CASK: variants seen among roughly 807,000 people sequenced by gnomAD.
CASK encodes the protein peripheral plasma membrane protein CASK.
A neutral mutation model predicts 82.9 loss-of-function variants in CASK; 4 were observed. The ratio of observed to expected loss-of-function variants is 0.05; its 90% CI spans 0.02 to 0.11. The LOEUF is 0.11. Ranked by LOEUF, CASK falls within the 10% of genes least tolerant of loss-of-function variation. The probability of loss-of-function intolerance (pLI) is 1.00; values close to 1 mark genes in which losing one functional copy is unlikely to be tolerated. For missense variants in CASK, 358 were observed against 720.9 expected, an observed-to-expected ratio of 0.50 and a Z score of 5.76; for synonymous variants, 259 against 253.5, an observed-to-expected ratio of 1.02 and a Z score of -0.20.
intron 3 of CASK, among the ~76,000 whole-genome samples, chrX:41,758,330 G>A (rs901698810): frequency 1.8e-5 from 2 of 108,430 alleles, no homozygotes; most frequent in Middle Eastern, 4.3e-3. Flanking sequence ...AGCTATTCGG[G>A]AGGCTGAGGC....
At chrX:41,687,560 T>A (rs967586904) in intron 5 of CASK, among the ~76,000 whole-genome samples, 7 of 110,979 alleles carry the variant, frequency 6.3e-5, no homozygotes, top group Non-Finnish European at 1.3e-4. Flanking sequence ...AGGAGAGAAA[T>A]CGTTTAGTGG....
intron 2 of CASK, among the ~76,000 whole-genome samples, chrX:41,839,090 C>T (rs925228296): frequency 2.7e-5 from 3 of 111,358 alleles, no homozygotes; most frequent in East Asian, 5.6e-4. Context: ...ATGATTCCTC[C>T]CACTTTATCA....
chrX:41,673,655 T>A (rs2067224617), intron 5 of CASK, among the ~76,000 whole-genome samples: 1 of 109,613 alleles, frequency 9.1e-6, no homozygotes, highest in Non-Finnish European at 1.9e-5. Flanking sequence ...AAGTTCCAGA[T>A]GAGAAGAACA....
intron 8 of CASK, among the ~76,000 whole-genome samples, chrX:41,657,845 G>A (rs993747161): frequency 4.5e-5 from 5 of 111,386 alleles, no homozygotes; most frequent in African/African-American, 9.8e-5. Context: ...CCTTAGAAAC[G>A]CCAAAGATGT....
At chrX:41,608,640 T>C (rs2065993514) in intron 12 of CASK, among the ~76,000 whole-genome samples, 2 of 112,482 alleles carry the variant, frequency 1.8e-5, no homozygotes, top group African/African-American at 3.2e-5. Context: ...AAGAAAGGTA[T>C]TTTACTTAAA....
At position 41,589,466 on chromosome X, in the gene CASK, G is replaced by C. The variant is rs377234417; in HGVS notation, c.1233+49C>G. 589 of 877,781 alleles carry C rather than the reference G, an allele frequency of 6.7e-4. 2 individuals are homozygous for C. The highest frequency in any genetic ancestry group is 9.3e-4 in the Non-Finnish European group (557 of 596,031). 72.3% of individuals were successfully genotyped at this position (877,781 alleles called of 1,213,427 possible). On this transcript the variant is annotated intron_variant, in intron 13 of 26. Transcript: ENST00000378163. Reference sequence around the variant, plus strand: ...GTGCAACAGAAATGTCTTCAATAAAGGTGGCAAATATGATGATGCCAAATA... The same window carrying C: ...GTGCAACAGAAATGTCTTCAATAAACGTGGCAAATATGATGATGCCAAATA...
intron 2 of CASK, among the ~76,000 whole-genome samples, chrX:41,840,123 T>G (rs776316979): frequency 8.9e-6 from 1 of 112,068 alleles, no homozygotes; most frequent in Non-Finnish European, 1.9e-5. Flanking sequence ...ACAAAGTAAC[T>G]TCCTGAAATT....
chrX:41,728,611 G>A (rs1329939575), intron 5 of CASK: 1 of 121,458 alleles, frequency 8.2e-6, no homozygotes, highest in Non-Finnish European at 1.9e-5. Flanking sequence ...GGACATGGTG[G>A]TGGGCGCCTG....
intron 5 of CASK, chrX:41,695,418 C>A (rs1354638981): frequency 3.1e-6 from 1 of 326,337 alleles, no homozygotes; most frequent in Non-Finnish European, 5.4e-6. Context: ...TGGGTTCAAG[C>A]AATCCTTCTG....
chrX:41,787,323 C>A, intron 2 of CASK, 40 bp from the exon 3 acceptor site: 1 of 791,444 alleles, frequency 1.3e-6, no homozygotes, highest in South Asian at 2.1e-5. Flanking sequence ...TAGGTAGGAA[C>A]AAAAGACAAT....
chrX:41,643,559 A>G (rs2066699611), intron 8 of CASK, among the ~76,000 whole-genome samples: 1 of 111,320 alleles, frequency 9.0e-6, no homozygotes, highest in Admixed American at 9.6e-5. Flanking sequence ...TTCACTCATG[A>G]TTTGGCTCTC....
At chrX:41,591,917 T>A (rs1032176897) in intron 12 of CASK, among the ~76,000 whole-genome samples, 11 of 110,939 alleles carry the variant, frequency 9.9e-5, no homozygotes, top group Non-Finnish European at 2.1e-4. Flanking sequence ...TCAAGCAAAG[T>A]TTAAATAATC....
chrX:41,664,080 T>C (rs2067077523), intron 7 of CASK, among the ~76,000 whole-genome samples: 1 of 111,660 alleles, frequency 9.0e-6, no homozygotes, highest in African/African-American at 3.3e-5. Flanking sequence ...AGGAGCAGAA[T>C]ATGCTACACT....
At chrX:41,762,039 C>G (rs932091086) in intron 3 of CASK, among the ~76,000 whole-genome samples, 1 of 111,923 alleles carries the variant, frequency 8.9e-6, no homozygotes, top group Non-Finnish European at 1.9e-5. Context: ...CAAGTAGTAA[C>G]TTATTTAATC....
chrX:41,754,934 A>G (rs2068864284), intron 3 of CASK, among the ~76,000 whole-genome samples: 1 of 99,689 alleles, frequency 1.0e-5, no homozygotes, highest in East Asian at 3.1e-4. Flanking sequence ...GCAGGAGTGC[A>G]GTGGTGCCAT....
intron 2 of CASK, among the ~76,000 whole-genome samples, chrX:41,830,836 A>C (rs777199022): frequency 9.2e-6 from 1 of 108,683 alleles, no homozygotes; most frequent in Non-Finnish European, 1.9e-5. Context: ...AAAAAAAAAA[A>C]CAAAAGAAGT....
rs139320814 is a variant in CASK, at chrX:41,564,663, T to C, written c.1583-3019A>G. On this transcript the variant is annotated intron_variant, in intron 16 of 26. Coordinates refer to ENST00000378163, the MANE Select transcript of CASK (RefSeq NM_001367721.1). ...TAATGATGTTTCCTGCTGTCAATAT[T>C]AGACAGATCAATGAGACAGAAGGTT... Among the ~76,000 whole-genome samples, 50 of 112,059 alleles carry C rather than the reference T, an allele frequency of 4.5e-4. No homozygotes were observed. The South Asian group carries it at 0.017, about 38-fold the overall frequency.
intron 5 of CASK, among the ~76,000 whole-genome samples, chrX:41,724,676 A>G (rs1463095591): frequency 8.9e-6 from 1 of 111,879 alleles, no homozygotes; most frequent in Non-Finnish European, 1.9e-5. Context: ...TACATAGTAG[A>G]TACAAGTTTG....
chrX:41,641,471 A>T (rs1016361733), intron 8 of CASK, among the ~76,000 whole-genome samples: 22 of 111,805 alleles, frequency 2.0e-4, no homozygotes, highest in African/African-American at 5.5e-4. Context: ...GTGTGAGAAG[A>T]GCTCAACCAT....
Sources: allele counts gnomAD v4.1 joint callset (sites outside exome capture counted in the v4.1 genomes callset), GRCh38; gene constraint gnomAD v4.1.1; transcripts MANE v1.5; gene names NCBI Gene and HGNC (gene_info 2026-07-23, HGNC 2026-07-21).